The following MEMO1 variants were observed in gnomAD, a reference collection of about 807,000 sequenced individuals.
MEMO1 encodes the protein mediator of cell motility 1.
A neutral mutation model predicts 45.2 loss-of-function variants in MEMO1; 6 were observed. The observed-to-expected ratio is 0.13, with a 90% confidence interval of 0.07 to 0.26. MEMO1 has a LOEUF of 0.26. MEMO1 is among the 10% of genes least tolerant of loss of function. The pLI is 1.00. For missense variants in MEMO1, 184 were observed against 370.5 expected (o/e 0.50, Z 4.13); for synonymous variants, 78 against 124.3 (o/e 0.63, Z 2.48).
In MEMO1 at chr2:31,889,752, G is replaced by A. The variant is rs369471278; in HGVS notation, c.580+2240C>T. Among the ~76,000 whole-genome samples, 32 of 151,980 alleles carry A rather than the reference G, an allele frequency of 2.1e-4. No individual in the cohort carries two copies. The East Asian group carries it at 4.6e-3, about 22-fold the overall frequency. On this transcript the variant is annotated intron_variant, in intron 7 of 9. Transcript: ENST00000404530. ...CATATTTCTCAATAAGTAGTAGCAC[G>A]GTGCTTTCCATAAGTACAAAGAAAA...
chr2:31,974,971 G>A (rs1486976808), intron 2 of MEMO1, among the ~76,000 whole-genome samples: 1 of 151,998 alleles, frequency 6.6e-6, no homozygotes, highest in East Asian at 1.9e-4. Flanking sequence ...AGGAGTTTGA[G>A]ACCAGCTTGG....
chr2:31,909,725 TACCAATG>T (rs1680283412), intron 6 of MEMO1, among the ~76,000 whole-genome samples: 1 of 152,130 alleles, frequency 6.6e-6, no homozygotes, highest in South Asian at 2.1e-4. Flanking sequence ...CCTATCAAAA[TACCAATG>T]ACATTCTTCA....
At chr2:31,969,621 GTGTGTGTGTGTGTT>G (rs1471806349) in intron 2 of MEMO1, among the ~76,000 whole-genome samples, 1 of 150,152 alleles carries the variant, frequency 6.7e-6, no homozygotes, top group African/African-American at 2.5e-5. Context: ...GTGTGTGTGT[GTGTGTGTGTGTGTT>G]TAAGACAGGC....
intron 2 of MEMO1, among the ~76,000 whole-genome samples, chr2:31,991,154 T>C (rs1381863155): frequency 1.3e-5 from 2 of 152,108 alleles, no homozygotes; most frequent in Non-Finnish European, 2.9e-5. Context: ...TATATATGCA[T>C]AAACAATCAC....
chr2:31,960,878 G>T (rs765437627), intron 2 of MEMO1, among the ~76,000 whole-genome samples: 2 of 152,068 alleles, frequency 1.3e-5, no homozygotes, highest in African/African-American at 2.4e-5. Context: ...GAGCCACCAG[G>T]CCTGGCCAAA....
At chr2:31,943,997 C>T (rs1261759168) in intron 2 of MEMO1, among the ~76,000 whole-genome samples, 5 of 152,172 alleles carry the variant, frequency 3.3e-5, no homozygotes, top group Non-Finnish European at 7.4e-5. Context: ...CACTGTCCTT[C>T]GTCTCTACTT....
intron 2 of MEMO1, among the ~76,000 whole-genome samples, chr2:32,005,149 T>C (rs1216829454): frequency 6.6e-6 from 1 of 151,662 alleles, no homozygotes; most frequent in African/African-American, 2.4e-5. Flanking sequence ...CTTACAAATG[T>C]AACACCGAGC....
intron 2 of MEMO1, among the ~76,000 whole-genome samples, chr2:31,952,073 C>A (rs1288543309): frequency 2.6e-5 from 4 of 152,094 alleles, no homozygotes; most frequent in Non-Finnish European, 5.9e-5. Flanking sequence ...ACTGTCACAG[C>A]AAGTCTGATC....
At chr2:31,885,091 T>C (rs1433275567) in intron 7 of MEMO1, among the ~76,000 whole-genome samples, 1 of 152,178 alleles carries the variant, frequency 6.6e-6, no homozygotes, top group African/African-American at 2.4e-5. Context: ...ATGAGAATTA[T>C]CTAATAACTA....
chr2:31,939,394 G>C (rs1224026539), intron 3 of MEMO1, among the ~76,000 whole-genome samples: 1 of 152,072 alleles, frequency 6.6e-6, no homozygotes, highest in African/African-American at 2.4e-5. Flanking sequence ...GGGTAACTTG[G>C]AAATCAACAT....
intron 2 of MEMO1, among the ~76,000 whole-genome samples, chr2:32,004,167 C>A (rs1213095822): frequency 6.6e-6 from 1 of 152,018 alleles, no homozygotes; most frequent in Non-Finnish European, 1.5e-5. Flanking sequence ...GGCAACAGAG[C>A]AAGACCCTGT....
At chr2:31,918,858 T>G (rs1169157022) in intron 5 of MEMO1, among the ~76,000 whole-genome samples, 5 of 152,138 alleles carry the variant, frequency 3.3e-5, no homozygotes, top group Non-Finnish European at 7.4e-5. Context: ...TATGACCTCT[T>G]TTCTTGAAAA....
At chr2:31,927,628 T>A (rs1198981186) in intron 4 of MEMO1, among the ~76,000 whole-genome samples, 1 of 145,498 alleles carries the variant, frequency 6.9e-6, no homozygotes, top group African/African-American at 2.5e-5. Flanking sequence ...GTAAGACATT[T>A]TTATATTTTG....
intron 2 of MEMO1, among the ~76,000 whole-genome samples, chr2:32,007,960 T>G (rs1357265862): frequency 1.3e-5 from 2 of 152,204 alleles, no homozygotes; most frequent in Admixed American, 1.3e-4. Flanking sequence ...CCAAAAATTG[T>G]CACATATCTG....
intron 8 of MEMO1, among the ~76,000 whole-genome samples, chr2:31,879,091 A>G (rs1490901427): frequency 6.6e-6 from 1 of 152,222 alleles, no homozygotes; most frequent in Non-Finnish European, 1.5e-5. Flanking sequence ...CTACCAAATC[A>G]GTTAACATTT....
chr2:31,960,148 T>C (rs1395367728), intron 2 of MEMO1, among the ~76,000 whole-genome samples: 1 of 150,834 alleles, frequency 6.6e-6, no homozygotes, highest in Non-Finnish European at 1.5e-5. Flanking sequence ...AGTGAGTCGA[T>C]ATCACGCCAC....
chr2:31,959,003 G>A (rs1667699913), intron 2 of MEMO1, among the ~76,000 whole-genome samples: 2 of 152,208 alleles, frequency 1.3e-5, no homozygotes, highest in Admixed American at 6.5e-5. Context: ...TAAATTGAAG[G>A]GGGATAAGAG....
At chr2:31,935,747 T>C (rs11682335) in intron 3 of MEMO1, among the ~76,000 whole-genome samples, 148,958 of 152,242 alleles carry the variant, frequency 0.98, 72,899 homozygotes, top group Middle Eastern at 1. Context: ...TTTCCTAATC[T>C]TTCTCTCGCT....
At chr2:31,933,670 T>C (rs185786549) in intron 3 of MEMO1, among the ~76,000 whole-genome samples, 2 of 152,002 alleles carry the variant, frequency 1.3e-5, no homozygotes, top group Admixed American at 6.6e-5. Flanking sequence ...TACAAGATAG[T>C]AGTGGCGTTT....
Sources: gnomAD v4.1 joint callset for allele counts (sites outside exome capture counted in the v4.1 genomes callset) on GRCh38, gnomAD v4.1.1 for gene constraint, MANE v1.5 for transcripts, NCBI Gene and HGNC (gene_info 2026-07-23, HGNC 2026-07-21) for gene names.